KCNH4: variants seen among roughly 807,000 people sequenced by gnomAD.
KCNH4 encodes the protein potassium voltage-gated channel subfamily H member 4.
KCNH4 carries 33 observed loss-of-function variants against 90.7 expected under a neutral mutation model. That is an observed-to-expected ratio of 0.36 (90% CI 0.28 to 0.49). The LOEUF is 0.49. KCNH4 is among the 20% of genes least tolerant of loss of function. KCNH4 has a pLI of 0.98. For synonymous variants in KCNH4, 551 were observed against 581.7 expected (o/e 0.95, Z 0.76); for missense variants, 1,044 against 1,387.1 (o/e 0.75, Z 3.93).
At chr17:42,169,990 ACTGT>A in intron 8 of KCNH4, 113 bp downstream of exon 8, 1 of 1,077,958 alleles carries the variant, frequency 9.3e-7, no homozygotes, top group Non-Finnish European at 1.3e-6. Context: ...TGAATGCGTG[ACTGT>A]CTGGACTTGG....
chr17:42,171,921 G>A lies in KCNH4; in HGVS notation c.1062C>T (p.Tyr354=). Residue 354 remains tyrosine, a synonymous_variant, in exon 7 of 17, where the codon TAC becomes TAT. Transcript: ENST00000264661. ...TGAGCACCACAGCACTGCACTGAGA[G>A]TACCGCTCCAGCTTCTGCAGCAGCC... is the stretch of plus-strand genomic sequence containing the variant. ...LLRLLQKLER[Y]SQCSAVVLTL... is the part of the protein sequence containing the mutation. 1.2e-6 allele frequency: 2 copies of A among 1,613,800 alleles called. No homozygotes were observed. Among genetic ancestry groups the A allele is most frequent in the South Asian group, 1.1e-5 (1 of 91,062 alleles).
At position 42,164,284 on chromosome 17, in the gene KCNH4, G is replaced by T. The variant is rs2079771102; in HGVS notation, c.2086-116C>A. 1.5e-5 allele frequency: 14 copies of T among 910,842 alleles called. No individual in the cohort carries two copies. In the South Asian group the frequency reaches 1.8e-4, roughly 12 times the overall value. The allele number at this position is 910,842 out of a possible 1,614,324, so 56.4% of individuals were successfully genotyped here. Reference sequence around the variant, plus strand: ...TTGAGAATGTGGAGTCTTTTGTGGAGCTGAGTCAGAAACTATAACCCTAAC... The same window carrying T: ...TTGAGAATGTGGAGTCTTTTGTGGATCTGAGTCAGAAACTATAACCCTAAC... On this transcript the variant is annotated intron_variant, in intron 11 of 16. Transcript: ENST00000264661.
rs1461277295 is a variant in KCNH4, at chr17:42,164,051, T to C, written c.2124+79A>G. The stretch of plus-strand genomic sequence containing the variant: ...CTTCGCCGGCGGATGCAGCTCCCCA[T>C]CCATGGAAAGGGGGATGCTGCTACC... On this transcript the variant is annotated intron_variant, in intron 12 of 16. Coordinates refer to ENST00000264661, the MANE Select transcript of KCNH4 (RefSeq NM_012285.3). 2.0e-6 allele frequency: 3 copies of C among 1,516,998 alleles called. No individual in the cohort carries two copies. In the East Asian group the frequency reaches 7.4e-5, roughly 37 times the overall value. 94.0% of individuals were successfully genotyped at this position (1,516,998 alleles called of 1,614,324 possible). A position where few individuals can be genotyped will look rare whatever the true frequency, so the allele number is the denominator to read the frequency against.
At chr17:42,168,109 G>A (rs1017579478) in intron 9 of KCNH4, among the ~76,000 whole-genome samples, 16 of 152,124 alleles carry the variant, frequency 1.1e-4, no homozygotes, top group Non-Finnish European at 2.9e-5. Context: ...GGCACAATGA[G>A]GACCTGAAGG....
At chr17:42,161,373 C>T (rs558931756) in intron 15 of KCNH4, among the ~76,000 whole-genome samples, 2 of 152,322 alleles carry the variant, frequency 1.3e-5, no homozygotes, top group African/African-American at 2.4e-5. Context: ...GCCCAGGCAC[C>T]GCCCCTCTGG....
chr17:42,161,871 T>C (rs1455321350), intron 15 of KCNH4, among the ~76,000 whole-genome samples: 1 of 152,096 alleles, frequency 6.6e-6, no homozygotes, highest in Non-Finnish European at 1.5e-5. Flanking sequence ...TTCAGAGCGG[T>C]TGTGGGACTT....
rs2079855570 is a variant in KCNH4, at chr17:42,175,641, AC to A, written c.924del (p.Trp308CysfsTer22). On this transcript the variant is annotated frameshift_variant, in exon 6 of 17. Transcript: ENST00000264661. LOFTEE classifies it high-confidence loss of function. ...AGAGCAGCAATAAGGTCGATGAAGAACCAGGTGGCCAGGTAGTGGAGGCCAA... is the reference window on the plus strand; with the variant it reads ...AGAGCAGCAATAAGGTCGATGAAGAACAGGTGGCCAGGTAGTGGAGGCCAA... Reference protein sequence around the residue: ...RSIGLHYLATWFFIDLIAALP... With the variant: ...RSIGLHYLATXFFIDLIAALP... The A allele has an allele frequency of 6.2e-7, 1 of 1,614,166 alleles. No homozygotes were observed. The highest frequency in any genetic ancestry group is 1.3e-5 in the African/African-American group (1 of 75,040).
In KCNH4 at chr17:42,160,037, G is replaced by C. The variant is rs1215662190; in HGVS notation, c.*3C>G. On this transcript the variant is annotated 3_prime_UTR_variant, in exon 16 of 17. Transcript: ENST00000264661. ...CCAGACAGGCCTGGGCCCTGGGCCA[G>C]GGTCAGTGGAACGTGTCTGACCTGG... 14 of 1,514,072 alleles carry C rather than the reference G, an allele frequency of 9.2e-6. No homozygotes were observed. The highest frequency in any genetic ancestry group is 1.1e-5 in the Non-Finnish European group (12 of 1,129,944). 93.8% of individuals were successfully genotyped at this position (1,514,072 alleles called of 1,614,324 possible).
rs573599627 is a variant in KCNH4, at chr17:42,171,045, T to C, written c.1195+743A>G. Among the ~76,000 whole-genome samples the C allele has an allele frequency of 4.6e-5, 7 of 151,908 alleles. No homozygotes were observed. The East Asian group carries it at 1.2e-3, about 25-fold the overall frequency. ...AGGGCCGCCCAGGGTGTGCAGTGAG[T>C]GTGGACTTCATTTGGAGGGCAGTGG... is the stretch of plus-strand genomic sequence containing the variant. On this transcript the variant is annotated intron_variant, in intron 7 of 16. Transcript: ENST00000264661.
At chr17:42,161,406 A>G (rs2144119042) in intron 15 of KCNH4, among the ~76,000 whole-genome samples, 1 of 152,336 alleles carries the variant, frequency 6.6e-6, no homozygotes, top group Non-Finnish European at 1.5e-5. Context: ...TTATCAGAAC[A>G]CAGGGAAGGC....
At chr17:42,165,348 G>A in intron 11 of KCNH4, 101 bp downstream of exon 11, 5 of 1,471,556 alleles carry the variant, frequency 3.4e-6, no homozygotes, top group Non-Finnish European at 4.7e-6. Flanking sequence ...TCAGGCATGT[G>A]TTTTTAGGGT....
intron 9 of KCNH4, among the ~76,000 whole-genome samples, chr17:42,167,423 C>T (rs910762900): frequency 2.0e-5 from 3 of 152,158 alleles, no homozygotes; most frequent in East Asian, 1.9e-4. Context: ...CGCACCACTA[C>T]GCCCAGCTAA....
intron 9 of KCNH4, 80 bp from the exon 10 acceptor site, chr17:42,166,626 AAG>A (rs1431303028): frequency 1.3e-6 from 2 of 1,514,824 alleles, no homozygotes; most frequent in Non-Finnish European, 8.9e-7. Context: ...GCTGTCTTCA[AAG>A]AGAGAATTCC....
chr17:42,158,628 G>T (rs2079724469), intron 16 of KCNH4, among the ~76,000 whole-genome samples: 4 of 151,172 alleles, frequency 2.6e-5, no homozygotes, highest in Non-Finnish European at 4.4e-5. Context: ...GAGGTCAGGA[G>T]ATTGAGACCA....
chr17:42,166,517 T>C lies in KCNH4; in HGVS notation c.1620A>G (p.Arg540=). The C allele has an allele frequency of 6.2e-7, 1 of 1,613,138 alleles. No homozygotes were observed. Among genetic ancestry groups the C allele is most frequent in the Non-Finnish European group, 8.5e-7 (1 of 1,179,164 alleles). The part of the protein sequence containing the change: ...ELLRDFPDEL[R]ADIAMHLNRE... ...GATTCAGGTGCATAGCAATGTCAGC[T>C]CTCAGCTCGTCTGGGAAGTCACGCA... is the stretch of plus-strand genomic sequence containing the variant. The change falls in exon 10 of 17, where the codon AGA becomes AGG. Residue 540 remains arginine (R), a synonymous_variant. Transcript: ENST00000264661.
chr17:42,169,757 A>G (rs2079814108), intron 8 of KCNH4, 81 bp from the exon 9 acceptor site: 1 of 1,447,668 alleles, frequency 6.9e-7, no homozygotes, highest in Non-Finnish European at 9.6e-7. Flanking sequence ...CCTGTCCTGG[A>G]CCAAGAGCCA....
intron 4 of KCNH4, among the ~76,000 whole-genome samples, 176 bp downstream of exon 4, chr17:42,177,924 G>A (rs2144142676): frequency 6.6e-6 from 1 of 152,288 alleles, no homozygotes; most frequent in East Asian, 1.9e-4. Flanking sequence ...AGGATGTTGG[G>A]GGAGGATATA....
chr17:42,173,802 A>G (rs2144136862), intron 6 of KCNH4, among the ~76,000 whole-genome samples: 1 of 140,708 alleles, frequency 7.1e-6, no homozygotes, highest in Non-Finnish European at 1.5e-5. Context: ...CCGGGTTCAG[A>G]CCATTCTCCT....
At position 42,180,197 on chromosome 17, in the gene KCNH4, G is replaced by A. The variant is rs1202677898; in HGVS notation, c.76+673C>T. Among the ~76,000 whole-genome samples, 1 of 152,214 alleles carries A rather than the reference G, an allele frequency of 6.6e-6. No homozygotes were observed. The highest frequency in any genetic ancestry group is 2.4e-5 in the African/African-American group (1 of 41,460). ...CGGCCAGGGTTCCCGAGGGAATGGC[G>A]GGGTTGGGGGAGGTGAGGGCGGGGA... On this transcript the variant is annotated intron_variant, in intron 1 of 16. Transcript: ENST00000264661. This position sits in a 1 kb window ranked among gnomAD's most constrained non-coding sequence, Gnocchi z 4.7.
Sources: gnomAD v4.1 joint callset for allele counts (sites outside exome capture counted in the v4.1 genomes callset) on GRCh38, gnomAD v4.1.1 for gene constraint, Gnocchi (gnomAD v3.1) non-coding constraint, MANE v1.5 for transcripts, NCBI Gene and HGNC (gene_info 2026-07-23, HGNC 2026-07-21) for gene names.